Variants in ANO2 observed in about 807,000 individuals in gnomAD.
ANO2 encodes anoctamin 2, also known as anoctamin-2.
Under a neutral mutation model 124.2 loss-of-function variants are expected in ANO2, and 101 were observed. That is an observed-to-expected ratio of 0.81 (90% CI 0.69 to 0.96). The LOEUF is 0.96. ANO2 is among the 40% of genes least tolerant of loss of function. The probability of loss-of-function intolerance (pLI) is 0.00; values close to 1 mark genes in which losing one functional copy is unlikely to be tolerated. For missense variants in ANO2, 1,293 were observed against 1,274.5 expected, an observed-to-expected ratio of 1.01 and a Z score of -0.22; for synonymous variants, 486 against 482.5, an observed-to-expected ratio of 1.01 and a Z score of -0.09.
In ANO2 at chr12:5,615,225, G is replaced by A; in HGVS notation, c.1889C>T (p.Ala630Val). Residue 630 changes from alanine to valine, a missense_variant, in exon 17 of 25, where the codon GCC becomes GTC. Transcript: ENST00000682330. The stretch of plus-strand genomic sequence containing the variant: ...GGCCACATAGAAGATGGGGGAGTAG[G>A]CATTGACAAACTTGAGCAAGAAAGC... Reference protein sequence around the residue: ...LKAFLLKFVNAYSPIFYVAFF... With the variant: ...LKAFLLKFVNVYSPIFYVAFF... 1 of 1,613,714 alleles carries A rather than the reference G, an allele frequency of 6.2e-7. No homozygotes were observed. Among genetic ancestry groups the A allele is most frequent in the Non-Finnish European group, 8.5e-7 (1 of 1,179,776 alleles).
At chr12:5,869,104 A>T (rs1378300531) in intron 3 of ANO2, among the ~76,000 whole-genome samples, 2 of 152,144 alleles carry the variant, frequency 1.3e-5, no homozygotes, top group Non-Finnish European at 2.9e-5. Context: ...GTGAACAGGA[A>T]GTAGGGGTCG....
intron 14 of ANO2, among the ~76,000 whole-genome samples, chr12:5,684,255 A>G (rs1363434463): frequency 6.6e-6 from 1 of 152,214 alleles, no homozygotes; most frequent in Non-Finnish European, 1.5e-5. Flanking sequence ...CCTGGGTCAC[A>G]GCTAACACCA....
At chr12:5,723,077 A>G (rs901255278) in intron 14 of ANO2, among the ~76,000 whole-genome samples, 1 of 152,200 alleles carries the variant, frequency 6.6e-6, no homozygotes, top group African/African-American at 2.4e-5. Flanking sequence ...TGGCTCACTC[A>G]CTGAAATTCC....
chr12:5,603,789 C>T (rs1944061192), intron 19 of ANO2, among the ~76,000 whole-genome samples: 1 of 151,632 alleles, frequency 6.6e-6, no homozygotes, highest in South Asian at 2.1e-4. Context: ...ACTAAAAATA[C>T]AAAAAATTAG....
intron 9 of ANO2, 56 bp from the exon 10 acceptor site, chr12:5,799,627 AT>A: frequency 1.3e-6 from 2 of 1,512,068 alleles, no homozygotes; most frequent in Non-Finnish European, 9.2e-7. Flanking sequence ...ACTTCACCTG[AT>A]TTTGTCCATC....
intron 9 of ANO2, among the ~76,000 whole-genome samples, chr12:5,804,355 A>C: frequency 6.6e-6 from 1 of 152,208 alleles, no homozygotes; most frequent in Admixed American, 6.5e-5. Flanking sequence ...TTGGACACTA[A>C]GGTTTTAGTC....
chr12:5,777,281 T>C (rs1020464202), intron 10 of ANO2, among the ~76,000 whole-genome samples: 6 of 152,258 alleles, frequency 3.9e-5, no homozygotes, highest in East Asian at 1.9e-4. Context: ...AGTGAGGTCA[T>C]AGGGCGGCAA....
intron 23 of ANO2, among the ~76,000 whole-genome samples, chr12:5,573,017 G>C: frequency 6.6e-6 from 1 of 152,128 alleles, no homozygotes; most frequent in Non-Finnish European, 1.5e-5. Flanking sequence ...ACAATACCTG[G>C]TGTCCTGGGC....
chr12:5,583,991 T>G (rs942543923), intron 20 of ANO2: 9 of 241,572 alleles, frequency 3.7e-5, no homozygotes, highest in African/African-American at 2.1e-4. Flanking sequence ...CCCAGAATGA[T>G]CTCACCTTCC....
intron 10 of ANO2, among the ~76,000 whole-genome samples, chr12:5,758,351 TC>T: frequency 6.6e-6 from 1 of 152,084 alleles, no homozygotes; most frequent in Non-Finnish European, 1.5e-5. Context: ...TAAGAAACCG[TC>T]ATTTCTGAGG....
intron 14 of ANO2, among the ~76,000 whole-genome samples, chr12:5,703,514 T>C (rs1186474085): frequency 6.6e-6 from 1 of 152,186 alleles, no homozygotes. Context: ...TGTGTCATGG[T>C]TCCATGGGTA....
chr12:5,852,849 G>A lies in ANO2; in HGVS notation c.633+1194C>T, dbSNP rs988906037. On this transcript the variant is annotated intron_variant, in intron 4 of 24. Coordinates refer to ENST00000682330, the MANE Select transcript of ANO2 (RefSeq NM_001364791.2). Reference sequence around the variant, plus strand: ...ATACAACTACACTATGGAAAGGGACGTGTGTGTGTGTGTGTGTGTGTGTGT... The same window carrying A: ...ATACAACTACACTATGGAAAGGGACATGTGTGTGTGTGTGTGTGTGTGTGT... Among the ~76,000 whole-genome samples the A allele has an allele frequency of 1.9e-3, 6 of 3,126 alleles. No individual in the cohort carries two copies. In the South Asian group the frequency reaches 0.057, roughly 30 times the overall value. 2.1% of individuals were successfully genotyped at this position (3,126 alleles called of 152,430 possible).
At chr12:5,628,753 A>G (rs1253927008) in intron 16 of ANO2, among the ~76,000 whole-genome samples, 2 of 152,164 alleles carry the variant, frequency 1.3e-5, no homozygotes, top group Non-Finnish European at 1.5e-5. Flanking sequence ...CATGTGTGTG[A>G]GATATAGGGT....
intron 3 of ANO2, among the ~76,000 whole-genome samples, chr12:5,896,565 A>G (rs763439734): frequency 3.3e-5 from 5 of 152,196 alleles, no homozygotes; most frequent in Admixed American, 6.5e-5. Context: ...AAACAGTACC[A>G]TTGAAGATAA....
chr12:5,760,850 C>T (rs1158217037), intron 10 of ANO2, among the ~76,000 whole-genome samples: 4 of 152,114 alleles, frequency 2.6e-5, no homozygotes, highest in African/African-American at 9.7e-5. Flanking sequence ...AACTTCCCTG[C>T]AAGATTTACA....
At chr12:5,763,758 CAA>C (rs1951803409) in intron 10 of ANO2, among the ~76,000 whole-genome samples, 1 of 151,856 alleles carries the variant, frequency 6.6e-6, no homozygotes, top group African/African-American at 2.4e-5. Context: ...AAACAGTAAT[CAA>C]AGTTTGTACT....
intron 9 of ANO2, among the ~76,000 whole-genome samples, chr12:5,802,674 A>T (rs1202949360): frequency 1.3e-5 from 2 of 152,238 alleles, no homozygotes; most frequent in Non-Finnish European, 2.9e-5. Context: ...ACAGACACGT[A>T]ACAATCCCTT....
intron 3 of ANO2, among the ~76,000 whole-genome samples, chr12:5,918,504 A>G (rs768211260): frequency 6.0e-4 from 90 of 150,602 alleles, no homozygotes; most frequent in Non-Finnish European, 1.0e-3. Context: ...CAGTGGCACA[A>G]TCTCAGCTCA....
intron 23 of ANO2, among the ~76,000 whole-genome samples, chr12:5,573,570 C>G (rs1212847826): frequency 6.6e-6 from 1 of 152,172 alleles, no homozygotes; most frequent in African/African-American, 2.4e-5. Flanking sequence ...GTCTGCAGAC[C>G]CAAGTCCAGC....
Sources: allele counts gnomAD v4.1 joint callset (sites outside exome capture counted in the v4.1 genomes callset), GRCh38; gene constraint gnomAD v4.1.1; transcripts MANE v1.5; gene names NCBI Gene and HGNC (gene_info 2026-07-23, HGNC 2026-07-21).